The following CFAP47 variants were observed in gnomAD, a reference collection of about 807,000 sequenced individuals.
The protein encoded by CFAP47 is cilia and flagella associated protein 47, also known as cilia- and flagella-associated protein 47.
Under a neutral mutation model 148.1 loss-of-function variants are expected in CFAP47, and 29 were observed. That is an observed-to-expected ratio of 0.20 (90% confidence interval 0.15 to 0.27). The LOEUF is 0.27. Among genes scored for constraint, CFAP47 ranks in the 10% least tolerant of loss-of-function variants. CFAP47 has a pLI of 1.00. For missense variants in CFAP47, 1,872 were observed against 1,697.5 expected (o/e 1.10, Z -1.81); for synonymous variants, 664 against 577.3 (o/e 1.15, Z -2.15).
chrX:35,939,253 G>T lies in CFAP47; in HGVS notation c.402-2030G>T, dbSNP rs776206496. 7.3e-5 allele frequency among the ~76,000 whole-genome samples: 8 copies of T among 110,137 alleles called. No homozygotes were observed. In the South Asian group the frequency reaches 3.1e-3, roughly 43 times the overall value. ...GTTTGTCATTCTCTTCTTTTCTAGA[G>T]ATTCCTTATACTATTGTCCTTATTT... On this transcript the variant is annotated intron_variant, in intron 2 of 63. Transcript: ENST00000378653.
At chrX:36,364,943 T>TATATAC (rs1304339120) in intron 61 of CFAP47, among the ~76,000 whole-genome samples, 8 of 73,571 alleles carry the variant, frequency 1.1e-4, no homozygotes, top group Admixed American at 3.3e-4. Context: ...TATATATATA[T>TATATAC]ACACACACAC....
At chrX:36,296,882 A>C (rs187374490) in intron 51 of CFAP47, among the ~76,000 whole-genome samples, 675 of 111,823 alleles carry the variant, frequency 6.0e-3, no homozygotes, top group African/African-American at 0.021. Flanking sequence ...GTCCTCTATC[A>C]ACTTTATAAA....
Position 36,025,646 on chromosome X carries a change from A to G in CFAP47, c.3557-5607A>G, listed in dbSNP as rs951829142. 4.5e-5 allele frequency among the ~76,000 whole-genome samples: 5 copies of G among 111,588 alleles called. No individual in the cohort carries two copies. The Admixed American group carries it at 4.8e-4, about 11-fold the overall frequency. On this transcript the variant is annotated intron_variant, in intron 22 of 63. Coordinates refer to ENST00000378653, the MANE Select transcript of CFAP47 (RefSeq NM_001304548.2). ...GTGTCTATAAAAAAAAAGAATTTGT[A>G]TATCTTTCTCTGTGATTAAAAATAT...
chrX:36,242,847 A>G (rs1555996279), intron 48 of CFAP47, among the ~76,000 whole-genome samples: 1 of 111,638 alleles, frequency 9.0e-6, no homozygotes, highest in Non-Finnish European at 1.9e-5. Context: ...TAGATACTAT[A>G]CAAGACAACT....
chrX:36,297,424 T>C (rs1484233331), intron 51 of CFAP47, among the ~76,000 whole-genome samples: 1 of 112,659 alleles, frequency 8.9e-6, no homozygotes, highest in Non-Finnish European at 1.9e-5. Context: ...CAAGCTTTGA[T>C]TTATAATTGA....
At chrX:36,231,958 G>T (rs1227848731) in intron 46 of CFAP47, among the ~76,000 whole-genome samples, 2 of 111,479 alleles carry the variant, frequency 1.8e-5, no homozygotes, top group Non-Finnish European at 3.8e-5. Context: ...TCCCAGGGAT[G>T]AAGCCCACTT....
At chrX:36,338,814 A>G (rs1465081249) in intron 57 of CFAP47, among the ~76,000 whole-genome samples, 1 of 111,851 alleles carries the variant, frequency 8.9e-6, no homozygotes, top group Non-Finnish European at 1.9e-5. Flanking sequence ...CCCCCTACAG[A>G]TATCTATGAG....
intron 22 of CFAP47, among the ~76,000 whole-genome samples, chrX:36,021,166 A>G (rs1465461947): frequency 1.8e-5 from 2 of 111,801 alleles, no homozygotes; most frequent in Non-Finnish European, 3.8e-5. Flanking sequence ...TGTTGTCTCT[A>G]TTTATATCTT....
chrX:36,136,457 T>C (rs982063437), intron 33 of CFAP47, among the ~76,000 whole-genome samples: 5 of 110,640 alleles, frequency 4.5e-5, no homozygotes, highest in Admixed American at 1.9e-4. Flanking sequence ...TCAAAAGTTA[T>C]CATTGCTTCC....
intron 21 of CFAP47, 131 bp downstream of exon 21, chrX:36,001,838 C>T (rs1936919345): frequency 3.9e-6 from 1 of 255,242 alleles, no homozygotes; most frequent in Non-Finnish European, 6.9e-6. Context: ...CTGGGTATAC[C>T]TTAATTCAGT....
At position 36,079,696 on chromosome X, in the gene CFAP47, A is replaced by G. The variant is rs1050326327; in HGVS notation, c.4692-5618A>G. Among the ~76,000 whole-genome samples, 10 of 111,772 alleles carry G rather than the reference A, an allele frequency of 8.9e-5. 1 individual carries two copies. In the Admixed American group the frequency reaches 9.6e-4, roughly 11 times the overall value. On this transcript the variant is annotated intron_variant, in intron 29 of 63. Coordinates refer to ENST00000378653, the MANE Select transcript of CFAP47 (RefSeq NM_001304548.2). ...CTACTTCTGTCAAATTGTCAAAGCA[A>G]CAATGGTACTGGGAAAACTGGCTAG... is the stretch of plus-strand genomic sequence containing the variant.
intron 27 of CFAP47, among the ~76,000 whole-genome samples, chrX:36,068,308 T>C (rs1055753147): frequency 8.9e-6 from 1 of 112,317 alleles, no homozygotes; most frequent in African/African-American, 3.2e-5. Context: ...CATTTTGACT[T>C]AACCTGCCTA....
At chrX:36,235,326 G>A (rs1439121470) in intron 46 of CFAP47, among the ~76,000 whole-genome samples, 1 of 112,331 alleles carries the variant, frequency 8.9e-6, no homozygotes, top group Non-Finnish European at 1.9e-5. Context: ...GCAATGGCAG[G>A]CGCCCCTCCC....
At chrX:35,961,064 G>T (rs1936323719) in intron 8 of CFAP47, among the ~76,000 whole-genome samples, 1 of 111,343 alleles carries the variant, frequency 9.0e-6, no homozygotes, top group African/African-American at 3.3e-5. Flanking sequence ...TTCTATTATG[G>T]AAGTGTATTT....
chrX:36,287,448 T>A (rs1315088058), intron 51 of CFAP47, among the ~76,000 whole-genome samples: 1 of 111,968 alleles, frequency 8.9e-6, no homozygotes, highest in Non-Finnish European at 1.9e-5. Flanking sequence ...TTATTCGTTA[T>A]GAACAGTTAG....
intron 45 of CFAP47, among the ~76,000 whole-genome samples, chrX:36,208,732 G>A (rs1369186575): frequency 3.6e-5 from 4 of 111,561 alleles, no homozygotes; most frequent in African/African-American, 6.5e-5. Flanking sequence ...TTGGGAGGCC[G>A]AGATGGGTGG....
intron 26 of CFAP47, among the ~76,000 whole-genome samples, chrX:36,057,452 G>T (rs1201086435): frequency 9.0e-6 from 1 of 111,477 alleles, no homozygotes; most frequent in Non-Finnish European, 1.9e-5. Flanking sequence ...TGAAATAAAA[G>T]AAAATAAAAA....
At chrX:36,074,534 T>C (rs950106417) in intron 29 of CFAP47, among the ~76,000 whole-genome samples, 1 of 111,987 alleles carries the variant, frequency 8.9e-6, no homozygotes, top group Non-Finnish European at 1.9e-5. Flanking sequence ...ATATTTTGTC[T>C]TTTACAATAA....
At chrX:36,027,836 T>C (rs1156285736) in intron 22 of CFAP47, among the ~76,000 whole-genome samples, 1 of 111,918 alleles carries the variant, frequency 8.9e-6, no homozygotes, top group Non-Finnish European at 1.9e-5. Context: ...TTTTTAGTTT[T>C]TAATAGTAGC....
Sources: allele counts gnomAD v4.1 joint callset (sites outside exome capture counted in the v4.1 genomes callset), GRCh38; gene constraint gnomAD v4.1.1; transcripts MANE v1.5; gene names NCBI Gene and HGNC (gene_info 2026-07-23, HGNC 2026-07-21).